GABRB2: variants seen among roughly 807,000 people sequenced by gnomAD.
The protein encoded by GABRB2 is gamma-aminobutyric acid type A receptor subunit beta2, also known as gamma-aminobutyric acid receptor subunit beta-2.
Under a neutral mutation model 54.7 loss-of-function variants are expected in GABRB2, and 16 were observed. That is an observed-to-expected ratio of 0.29 (90% CI 0.20 to 0.44). The LOEUF (loss-of-function observed/expected upper bound fraction) is 0.44. Ranked by LOEUF, GABRB2 falls within the 20% of genes least tolerant of loss-of-function variation. The pLI, the probability that GABRB2 is intolerant of heterozygous loss-of-function variation, is 1.00. For missense variants in GABRB2, 355 were observed against 644.0 expected (o/e 0.55, Z 4.86); for synonymous variants, 244 against 233.8 (o/e 1.04, Z -0.40).
rs577544214 is a variant in GABRB2 at position 161,310,863 on chromosome 5, C to T, written c.1191+15505G>A. 3.0e-4 allele frequency among the ~76,000 whole-genome samples: 46 copies of T among 151,576 alleles called. No individual in the cohort carries two copies. The South Asian group carries it at 8.9e-3, about 29-fold the overall frequency. On this transcript the variant is annotated intron_variant, in intron 9 of 9. Coordinates refer to ENST00000393959, the MANE Select transcript of GABRB2 (RefSeq NM_001371727.1). ...CTGCAAGCTCCACCTCCCAAGTTCACGCCGTTCTCCTGCCTCAGCCTCCAG... is the reference window on the plus strand; with the variant it reads ...CTGCAAGCTCCACCTCCCAAGTTCATGCCGTTCTCCTGCCTCAGCCTCCAG...
intron 3 of GABRB2, among the ~76,000 whole-genome samples, chr5:161,534,206 T>C (rs1453289727): frequency 6.6e-6 from 1 of 152,166 alleles, no homozygotes; most frequent in Non-Finnish European, 1.5e-5. Context: ...CATTTTTGGT[T>C]TTCACCATTT....
At chr5:161,374,054 C>T (rs1755211637) in intron 5 of GABRB2, among the ~76,000 whole-genome samples, 2 of 152,182 alleles carry the variant, frequency 1.3e-5, no homozygotes, top group South Asian at 4.1e-4. Flanking sequence ...AGCAATTGTC[C>T]TGCCTCAGCT....
At chr5:161,379,372 G>T (rs1417943440) in intron 5 of GABRB2, among the ~76,000 whole-genome samples, 2 of 152,114 alleles carry the variant, frequency 1.3e-5, no homozygotes, top group Non-Finnish European at 2.9e-5. Flanking sequence ...TACAGGATGT[G>T]TGTGAGTGTA....
At chr5:161,305,328 T>C (rs1757660100) in intron 9 of GABRB2, among the ~76,000 whole-genome samples, 1 of 152,214 alleles carries the variant, frequency 6.6e-6, no homozygotes, top group Admixed American at 6.5e-5. Flanking sequence ...TATATCAATT[T>C]TAATAGACAT....
intron 5 of GABRB2, among the ~76,000 whole-genome samples, chr5:161,372,976 A>G (rs988843260): frequency 1.3e-5 from 2 of 152,202 alleles, no homozygotes; most frequent in Non-Finnish European, 2.9e-5. Flanking sequence ...AAGCACTAAC[A>G]TAGGACATTT....
intron 3 of GABRB2, among the ~76,000 whole-genome samples, chr5:161,492,294 G>A (rs749950267): frequency 1.3e-5 from 2 of 151,484 alleles, no homozygotes; most frequent in African/African-American, 2.4e-5. Flanking sequence ...GTGCTTCTTC[G>A]TCTCTTCTCT....
intron 9 of GABRB2, among the ~76,000 whole-genome samples, chr5:161,311,062 T>G (rs1329683424): frequency 6.6e-6 from 1 of 152,142 alleles, no homozygotes; most frequent in Admixed American, 6.5e-5. Flanking sequence ...GCCTGGCCGT[T>G]ATCCTAAAGC....
At chr5:161,429,997 T>C (rs1468915643) in intron 4 of GABRB2, among the ~76,000 whole-genome samples, 1 of 152,198 alleles carries the variant, frequency 6.6e-6, no homozygotes, top group Non-Finnish European at 1.5e-5. Flanking sequence ...TAAAACGAAA[T>C]GTCCTAATTT....
intron 5 of GABRB2, among the ~76,000 whole-genome samples, chr5:161,394,479 A>G (rs1755932939): frequency 1.3e-5 from 2 of 152,058 alleles, no homozygotes; most frequent in South Asian, 4.1e-4. Flanking sequence ...AATGATAGAG[A>G]ATACAAATCA....
chr5:161,528,031 T>C (rs568405816), intron 3 of GABRB2, among the ~76,000 whole-genome samples: 1 of 151,774 alleles, frequency 6.6e-6, no homozygotes. Flanking sequence ...TAGTTCACAA[T>C]AGCCAAAGAA....
At chr5:161,347,100 A>G (rs1754339941) in intron 5 of GABRB2, among the ~76,000 whole-genome samples, 1 of 152,124 alleles carries the variant, frequency 6.6e-6, no homozygotes, top group Non-Finnish European at 1.5e-5. Flanking sequence ...GAATTGATCT[A>G]GAGCATGAGC....
At chr5:161,308,006 C>T (rs1757746816) in intron 9 of GABRB2, among the ~76,000 whole-genome samples, 2 of 151,776 alleles carry the variant, frequency 1.3e-5, no homozygotes, top group African/African-American at 4.8e-5. Context: ...CTACAGGCGC[C>T]CACCACCACA....
intron 3 of GABRB2, among the ~76,000 whole-genome samples, chr5:161,521,307 C>T (rs1760108984): frequency 6.6e-6 from 1 of 151,914 alleles, no homozygotes; most frequent in Non-Finnish European, 1.5e-5. Context: ...CTTGATTATA[C>T]TTCCAATAAC....
chr5:161,452,139 C>T (rs1757806707), intron 4 of GABRB2, among the ~76,000 whole-genome samples: 1 of 152,150 alleles, frequency 6.6e-6, no homozygotes, highest in South Asian at 2.1e-4. Flanking sequence ...TTCAAGTTGA[C>T]TGCTCTTTTG....
At chr5:161,374,830 G>A (rs1450126848) in intron 5 of GABRB2, among the ~76,000 whole-genome samples, 1 of 151,980 alleles carries the variant, frequency 6.6e-6, no homozygotes, top group Non-Finnish European at 1.5e-5. Flanking sequence ...TTTGTTATCT[G>A]CTTCCTCTAT....
intron 3 of GABRB2, among the ~76,000 whole-genome samples, chr5:161,483,222 C>T (rs545286455): frequency 6.6e-6 from 1 of 152,038 alleles, no homozygotes; most frequent in Non-Finnish European, 1.5e-5. Context: ...CATTCCCAAC[C>T]TTTTATAATT....
chr5:161,479,327 C>T (rs1363115355), intron 3 of GABRB2, among the ~76,000 whole-genome samples: 3 of 152,014 alleles, frequency 2.0e-5, no homozygotes, highest in African/African-American at 4.8e-5. Context: ...CGAGAATGAC[C>T]TCCCAACCAC....
intron 4 of GABRB2, among the ~76,000 whole-genome samples, chr5:161,414,656 A>G (rs552883651): frequency 1.3e-5 from 2 of 152,182 alleles, no homozygotes; most frequent in African/African-American, 4.8e-5. Flanking sequence ...CAGGAGCCAC[A>G]TCTGTTCTGT....
chr5:161,336,064 G>T (rs963993288), intron 6 of GABRB2, among the ~76,000 whole-genome samples: 3 of 152,136 alleles, frequency 2.0e-5, no homozygotes, highest in Admixed American at 1.3e-4. Context: ...ATGAAATAAA[G>T]TATGACCATA....
Sources: gnomAD v4.1 joint callset for allele counts (sites outside exome capture counted in the v4.1 genomes callset) on GRCh38, gnomAD v4.1.1 for gene constraint, MANE v1.5 for transcripts, NCBI Gene and HGNC (gene_info 2026-07-23, HGNC 2026-07-21) for gene names.